Variants in PRKG1 observed in about 807,000 individuals in gnomAD.
The protein encoded by PRKG1 is protein kinase cGMP-dependent 1.
A neutral mutation model predicts 88.1 loss-of-function variants in PRKG1; 35 were observed. The observed-to-expected ratio is 0.40, with a 90% CI of 0.30 to 0.53. The LOEUF (loss-of-function observed/expected upper bound fraction) is 0.53. PRKG1 is among the 20% of genes least tolerant of loss of function. PRKG1 has a pLI of 0.59. For missense variants in PRKG1, 540 were observed against 839.8 expected, an observed-to-expected ratio of 0.64 and a Z score of 4.41; for synonymous variants, 303 against 292.5, an observed-to-expected ratio of 1.04 and a Z score of -0.37.
At chr10:51,266,392 A>G (rs560292784) in intron 2 of PRKG1, among the ~76,000 whole-genome samples, 26 of 152,184 alleles carry the variant, frequency 1.7e-4, no homozygotes, top group Non-Finnish European at 3.2e-4. Flanking sequence ...CAGGAAGTCA[A>G]AAGCCCAAAC....
At chr10:51,280,872 G>A (rs1347690653) in intron 2 of PRKG1, among the ~76,000 whole-genome samples, 1 of 152,226 alleles carries the variant, frequency 6.6e-6, no homozygotes, top group African/African-American at 2.4e-5. Context: ...CCTAGTTAAA[G>A]TCATTCTCCA....
intron 9 of PRKG1, among the ~76,000 whole-genome samples, chr10:52,245,802 T>C (rs1310394101): frequency 7.0e-6 from 1 of 142,934 alleles, no homozygotes; most frequent in African/African-American, 2.6e-5. Context: ...TATTTATTTA[T>C]TTGTTGGAGG....
At chr10:51,985,025 T>C (rs1347359573) in intron 5 of PRKG1, among the ~76,000 whole-genome samples, 1 of 152,218 alleles carries the variant, frequency 6.6e-6, no homozygotes, top group Non-Finnish European at 1.5e-5. Flanking sequence ...TTTTATTTCC[T>C]TTTGCTAATA....
chr10:51,963,779 G>A (rs1324544033), intron 5 of PRKG1, among the ~76,000 whole-genome samples: 4 of 152,014 alleles, frequency 2.6e-5, no homozygotes, highest in African/African-American at 9.7e-5. Flanking sequence ...GTGCACATAA[G>A]AAAAATTAGG....
At chr10:51,920,854 GA>G (rs1490035934) in intron 5 of PRKG1, among the ~76,000 whole-genome samples, 2 of 152,020 alleles carry the variant, frequency 1.3e-5, no homozygotes, top group Non-Finnish European at 2.9e-5. Context: ...CAGAAAAACT[GA>G]ACAGAAAGTA....
intron 1 of PRKG1, among the ~76,000 whole-genome samples, chr10:51,034,668 T>TTTTTTATATATATA (rs9299454): frequency 1.2e-4 from 8 of 68,182 alleles, no homozygotes; most frequent in African/African-American, 3.8e-4. Flanking sequence ...AATATGTTAT[T>TTTTTTATATATATA]TATATATATA....
intron 3 of PRKG1, among the ~76,000 whole-genome samples, chr10:51,756,315 C>T (rs1262137876): frequency 6.6e-6 from 1 of 151,910 alleles, no homozygotes; most frequent in Non-Finnish European, 1.5e-5. Flanking sequence ...AGTGAGACCC[C>T]ATCTCTACAA....
chr10:51,996,082 G>A (rs570795654), intron 5 of PRKG1, among the ~76,000 whole-genome samples: 4 of 152,042 alleles, frequency 2.6e-5, no homozygotes, highest in South Asian at 2.1e-4. Flanking sequence ...GGAGGCTGAG[G>A]CAGATAGATC....
At chr10:51,933,792 A>G (rs1181222078) in intron 5 of PRKG1, among the ~76,000 whole-genome samples, 1 of 152,138 alleles carries the variant, frequency 6.6e-6, no homozygotes, top group Non-Finnish European at 1.5e-5. Flanking sequence ...ACTTTTAGCT[A>G]CTTTAATAAT....
intron 1 of PRKG1, among the ~76,000 whole-genome samples, chr10:51,129,908 C>T (rs1299834128): frequency 6.6e-6 from 1 of 152,108 alleles, no homozygotes; most frequent in Non-Finnish European, 1.5e-5. Context: ...AGGTGTAGGA[C>T]TTTCCAAAGA....
At chr10:51,251,612 T>A (rs550690070) in intron 2 of PRKG1, among the ~76,000 whole-genome samples, 35 of 149,932 alleles carry the variant, frequency 2.3e-4, no homozygotes, top group African/African-American at 8.5e-4. Flanking sequence ...AGAAAAAAAA[T>A]GGTCATTTTC....
At chr10:51,090,958 G>A (rs1184319869) in intron 1 of PRKG1, among the ~76,000 whole-genome samples, 1 of 152,176 alleles carries the variant, frequency 6.6e-6, no homozygotes, top group Non-Finnish European at 1.5e-5. Flanking sequence ...ATCAGACGTA[G>A]AACATAATCT....
At chr10:52,015,453 C>T (rs11000471) in intron 5 of PRKG1, among the ~76,000 whole-genome samples, 24,148 of 152,132 alleles carry the variant, frequency 0.16, 2,459 homozygotes, top group East Asian at 0.32. Context: ...CCCACAAAAC[C>T]ATTTTTCCCA....
intron 9 of PRKG1, among the ~76,000 whole-genome samples, chr10:52,234,600 A>G (rs1840627690): frequency 1.4e-5 from 2 of 141,990 alleles, no homozygotes; most frequent in East Asian, 4.0e-4. Context: ...TGAAGCGAGA[A>G]GGGAAGTTTA....
chr10:51,820,533 C>T (rs6480471), intron 4 of PRKG1, among the ~76,000 whole-genome samples: 12,042 of 152,134 alleles, frequency 0.079, 1,178 homozygotes, highest in African/African-American at 0.23. Context: ...TAATCTGATT[C>T]TGTGCCTTTT....
chr10:51,867,339 C>G (rs1446998180), intron 4 of PRKG1, among the ~76,000 whole-genome samples: 2 of 151,986 alleles, frequency 1.3e-5, no homozygotes, highest in Non-Finnish European at 1.5e-5. Flanking sequence ...TATCTGTAGC[C>G]ATCAGAAAAT....
intron 10 of PRKG1, among the ~76,000 whole-genome samples, chr10:52,261,504 G>T (rs1006199686): frequency 6.6e-6 from 1 of 150,712 alleles, no homozygotes; most frequent in African/African-American, 2.4e-5. Flanking sequence ...GTGTTGGGGG[G>T]GCCTGTCTAT....
chr10:51,741,078 C>T (rs1008832321), intron 3 of PRKG1, among the ~76,000 whole-genome samples: 19 of 151,712 alleles, frequency 1.3e-4, no homozygotes, highest in African/African-American at 4.4e-4. Flanking sequence ...GAGGTGATTT[C>T]ATTCTATTAT....
chr10:51,322,830 A>G (rs1564446126), intron 2 of PRKG1, among the ~76,000 whole-genome samples: 1 of 152,208 alleles, frequency 6.6e-6, no homozygotes, highest in Non-Finnish European at 1.5e-5. Flanking sequence ...TCAAAAGCTC[A>G]TGCACACTAA....
Sources: allele counts gnomAD v4.1 joint callset (sites outside exome capture counted in the v4.1 genomes callset), GRCh38; gene constraint gnomAD v4.1.1; transcripts MANE v1.5; gene names NCBI Gene and HGNC (gene_info 2026-07-23, HGNC 2026-07-21).